Variants in CREB3L2 observed in about 807,000 individuals in gnomAD.
The protein encoded by CREB3L2 is cyclic AMP-responsive element-binding protein 3-like protein 2.
In CREB3L2, 23 loss-of-function variants were observed where a neutral mutation model predicts 57.2. The observed-to-expected ratio is 0.40, with a 90% CI of 0.29 to 0.57. CREB3L2 has a LOEUF of 0.57. Among genes scored for constraint, CREB3L2 ranks in the 20% least tolerant of loss-of-function variants. The pLI, the probability that CREB3L2 is intolerant of heterozygous loss-of-function variation, is 0.42. For missense variants in CREB3L2, 628 were observed against 634.7 expected, an observed-to-expected ratio of 0.99 and a Z score of 0.11; for synonymous variants, 268 against 265.1, an observed-to-expected ratio of 1.01 and a Z score of -0.11.
At chr7:137,984,186 G>C (rs757331708) in intron 1 of CREB3L2, among the ~76,000 whole-genome samples, 9 of 152,182 alleles carry the variant, frequency 5.9e-5, no homozygotes, top group Non-Finnish European at 1.0e-4. Flanking sequence ...TTGGGATGTG[G>C]TGGACACTGC....
intron 1 of CREB3L2, among the ~76,000 whole-genome samples, chr7:137,941,913 G>T (rs1024124225): frequency 1.3e-5 from 2 of 152,154 alleles, no homozygotes; most frequent in African/African-American, 2.4e-5. Context: ...CATAAAAAAT[G>T]ATGAAGGTCA....
intron 5 of CREB3L2, among the ~76,000 whole-genome samples, chr7:137,907,760 T>C (rs1216805568): frequency 6.6e-6 from 1 of 152,186 alleles, no homozygotes; most frequent in African/African-American, 2.4e-5. Context: ...TGATCTGAGT[T>C]TCTGGGTTAA....
rs13239225 is a variant in CREB3L2, at chr7:137,922,403, T to C, written c.319+5747A>G. ...ATATATGTATATATATATATATATATATATATATATATGTATATATATATA... is the reference window on the plus strand; with the variant it reads ...ATATATGTATATATATATATATATACATATATATATATGTATATATATATA... On this transcript the variant is annotated intron_variant, in intron 2 of 11. Transcript: ENST00000330387. Among the ~76,000 whole-genome samples, 78 of 18,796 alleles carry C rather than the reference T, an allele frequency of 4.1e-3. 5 individuals carry two copies. The highest frequency in any genetic ancestry group is 0.028 in the East Asian group (3 of 106). 12.3% of individuals were successfully genotyped at this position (18,796 alleles called of 152,430 possible). A position where few individuals can be genotyped will look rare whatever the true frequency, so the allele number is the denominator to read the frequency against.
intron 1 of CREB3L2, among the ~76,000 whole-genome samples, chr7:137,937,761 T>A (rs1354323308): frequency 2.0e-5 from 3 of 151,698 alleles, no homozygotes; most frequent in African/African-American, 7.3e-5. Context: ...TCTGAAGTGA[T>A]ATTTGCTTTA....
chr7:137,894,374 A>G (rs1285089447), intron 8 of CREB3L2, among the ~76,000 whole-genome samples: 1 of 152,262 alleles, frequency 6.6e-6, no homozygotes, highest in East Asian at 1.9e-4. Context: ...TTTGTCTTTG[A>G]CCCAGGAATC....
intron 1 of CREB3L2, among the ~76,000 whole-genome samples, chr7:137,962,758 A>C (rs1801347783): frequency 6.6e-6 from 1 of 152,154 alleles, no homozygotes; most frequent in Admixed American, 6.5e-5. Context: ...CATGAGTTCC[A>C]TGGGGGCCGA....
chr7:137,918,331 C>T (rs557511316), intron 2 of CREB3L2, among the ~76,000 whole-genome samples: 1 of 152,270 alleles, frequency 6.6e-6, no homozygotes, highest in Middle Eastern at 3.4e-3. Flanking sequence ...GCTGGAATTA[C>T]AGGTACACGC....
rs748865684 is a variant in CREB3L2 at position 137,882,535 on chromosome 7, CT to C, written c.1363del (p.Arg455GlufsTer53). 5 of 1,613,800 alleles carry C rather than the reference CT, an allele frequency of 3.1e-6. No homozygotes were observed. The African/African-American group carries it at 6.7e-5, about 22-fold the overall frequency. On this transcript the variant is annotated frameshift_variant, in exon 11 of 12. Coordinates refer to ENST00000330387, the MANE Select transcript of CREB3L2 (RefSeq NM_194071.4). LOFTEE classifies it high-confidence loss of function. Reference sequence around the variant, plus strand: ...TGACACCCTGAGCAGGGAGGAACCTCTATCCCAGCCCCCCAGCTCCCCAGCC... The same window carrying C: ...TGACACCCTGAGCAGGGAGGAACCTCATCCCAGCCCCCCAGCTCCCCAGCC... ...GSAGELGGWD[R>X]GSSLLRVSGL...
At chr7:137,946,926 ATATATATAGT>A (rs1563262382) in intron 1 of CREB3L2, among the ~76,000 whole-genome samples, 4 of 30,210 alleles carry the variant, frequency 1.3e-4, no homozygotes, top group Admixed American at 3.5e-4. Context: ...ATATATAGTT[ATATATATAGT>A]TATATATATA....
intron 1 of CREB3L2, among the ~76,000 whole-genome samples, chr7:137,979,358 G>A (rs1295355216): frequency 1.3e-5 from 2 of 152,200 alleles, no homozygotes; most frequent in Non-Finnish European, 2.9e-5. Context: ...ATAAAGCACA[G>A]CAAGGGCGGG....
intron 1 of CREB3L2, among the ~76,000 whole-genome samples, chr7:137,935,315 T>C (rs1800756521): frequency 6.6e-6 from 1 of 152,230 alleles, no homozygotes. Flanking sequence ...TGTTGGCATT[T>C]TCTACTTGCA....
At chr7:137,953,621 T>G (rs1801145665) in intron 1 of CREB3L2, 1 of 844,474 alleles carries the variant, frequency 1.2e-6, no homozygotes, top group Non-Finnish European at 1.7e-6. Context: ...GGAAAGTCCT[T>G]GTTTCACTTG....
chr7:137,922,469 TACACACATATATATATACACAC>T (rs1800348247), intron 2 of CREB3L2: 3 of 132,774 alleles, frequency 2.3e-5, no homozygotes, highest in African/African-American at 1.3e-4. Flanking sequence ...CATATATATA[TACACACATATATATATACACAC>T]ACACACACAC....
intron 8 of CREB3L2, among the ~76,000 whole-genome samples, chr7:137,893,346 AG>A (rs1422134018): frequency 2.6e-5 from 4 of 152,262 alleles, no homozygotes; most frequent in Admixed American, 6.5e-5. Context: ...CCATGTGGAA[AG>A]AAAGTTCACA....
chr7:137,964,317 AAAAC>A (rs1378671085), intron 1 of CREB3L2, among the ~76,000 whole-genome samples: 1 of 152,194 alleles, frequency 6.6e-6, no homozygotes, highest in African/African-American at 2.4e-5. Context: ...ACTTCCTCTC[AAAAC>A]AAACAAAACA....
intron 1 of CREB3L2, among the ~76,000 whole-genome samples, chr7:137,961,329 C>T (rs1801319090): frequency 6.6e-6 from 1 of 152,100 alleles, no homozygotes; most frequent in African/African-American, 2.4e-5. Flanking sequence ...GAGGAAAGTA[C>T]GTATGTCTCT....
intron 1 of CREB3L2, among the ~76,000 whole-genome samples, chr7:137,982,808 G>A (rs187888620): frequency 3.9e-4 from 59 of 152,260 alleles, no homozygotes; most frequent in Non-Finnish European, 6.6e-4. Context: ...ACAGTATCTG[G>A]AGACTGGGCC....
At chr7:137,901,223 G>A (rs1196569038) in intron 8 of CREB3L2, 131 bp downstream of exon 8, 5 of 642,896 alleles carry the variant, frequency 7.8e-6, no homozygotes, top group African/African-American at 1.8e-5. Flanking sequence ...GCCATGCTGA[G>A]CATCTCAGCA....
chr7:137,996,644 C>G (rs1395082897), intron 1 of CREB3L2, among the ~76,000 whole-genome samples: 1 of 152,210 alleles, frequency 6.6e-6, no homozygotes, highest in Non-Finnish European at 1.5e-5. Flanking sequence ...GTGAGATCAG[C>G]CAACTCCTTT....
Sources: allele counts gnomAD v4.1 joint callset (sites outside exome capture counted in the v4.1 genomes callset), GRCh38; gene constraint gnomAD v4.1.1; transcripts MANE v1.5; gene names NCBI Gene and HGNC (gene_info 2026-07-23, HGNC 2026-07-21).